Variants in EPC1 observed in about 807,000 individuals in gnomAD.
The protein encoded by EPC1 is enhancer of polycomb 1.
In EPC1, 12 loss-of-function variants were observed where a neutral mutation model predicts 98.4. That is an observed-to-expected ratio of 0.12 (90% CI 0.08 to 0.20). The LOEUF (loss-of-function observed/expected upper bound fraction) is 0.20. Among genes scored for constraint, EPC1 ranks in the 10% least tolerant of loss-of-function variants. The probability of loss-of-function intolerance (pLI) is 1.00; values close to 1 mark genes in which losing one functional copy is unlikely to be tolerated. For synonymous variants in EPC1, 357 were observed against 363.9 expected, an observed-to-expected ratio of 0.98 and a Z score of 0.21; for missense variants, 729 against 990.5, an observed-to-expected ratio of 0.74 and a Z score of 3.54.
Position 32,291,178 on chromosome 10 carries a change from C to T in EPC1, c.960G>A (p.Glu320=), listed in dbSNP as rs1346307237. Residue 320 remains glutamate, a synonymous_variant, in exon 6 of 14, where the codon GAG becomes GAA. Coordinates refer to ENST00000319778, the MANE Select transcript of EPC1 (RefSeq NM_001272004.3). ...FKHQEAMDVK[E]FKVNKQDKAD... ...CATTAATCACCTTATTAACTTTGAACTCCTTCACATCCATTGCTTCCTGGT... is the reference window on the plus strand; with the variant it reads ...CATTAATCACCTTATTAACTTTGAATTCCTTCACATCCATTGCTTCCTGGT... 6.2e-7 allele frequency: 1 copy of T among 1,613,328 alleles called. No individual in the cohort carries two copies. The highest frequency in any genetic ancestry group is 1.1e-5 in the South Asian group (1 of 91,052).
intron 1 of EPC1, among the ~76,000 whole-genome samples, chr10:32,331,532 G>GAAA (rs34450222): frequency 6.6e-6 from 1 of 150,822 alleles, no homozygotes; most frequent in Non-Finnish European, 1.5e-5. Context: ...TACTTCAAAT[G>GAAA]AAAAAAAAAT....
At chr10:32,368,412 T>G (rs946017881) in intron 1 of EPC1, among the ~76,000 whole-genome samples, 2 of 152,216 alleles carry the variant, frequency 1.3e-5, no homozygotes, top group East Asian at 3.9e-4. Context: ...CTTCCATCTT[T>G]GCCTGTGCCC....
intron 10 of EPC1, chr10:32,284,071 T>A (rs1372655043): frequency 6.6e-6 from 1 of 152,188 alleles, no homozygotes; most frequent in Non-Finnish European, 1.5e-5. Flanking sequence ...TATATAGGCT[T>A]CAAATAACAC....
Position 32,292,588 on chromosome 10 carries a change from T to G in EPC1, c.723A>C (p.Leu241=). Residue 241 remains leucine, a synonymous_variant, in exon 5 of 14, where the codon CTA becomes CTC. Transcript: ENST00000319778. ...TCTCTAGAATAGTAACAGCTCGACT[T>G]AGATCTCGTCGCAGCTTAAGCATTT... ...YEKMLKLRRD[L]SRAVTILEMI... is the part of the protein sequence containing the mutation. The G allele has an allele frequency of 1.2e-6, 2 of 1,607,986 alleles. No individual in the cohort carries two copies. The highest frequency in any genetic ancestry group is 2.2e-5 in the South Asian group (2 of 89,660).
At chr10:32,274,659 T>C (rs993258649) in intron 10 of EPC1, among the ~76,000 whole-genome samples, 1 of 152,184 alleles carries the variant, frequency 6.6e-6, no homozygotes, top group African/African-American at 2.4e-5. Context: ...TTAGTTGATA[T>C]CTTCCCTTTG....
chr10:32,347,849 G>A (rs78668309), upstream of EPC1, among the ~76,000 whole-genome samples: 1,551 of 152,328 alleles, frequency 0.01, 14 homozygotes, highest in Non-Finnish European at 0.013. Flanking sequence ...TCAAGTCATT[G>A]ATCCGTTTCC....
At chr10:32,286,436 C>T (rs1434203742) in intron 9 of EPC1, 1 of 474,386 alleles carries the variant, frequency 2.1e-6, no homozygotes, top group Non-Finnish European at 3.7e-6. Context: ...ACAATTCTAC[C>T]CCTTGATAAT....
rs1197793812 is a variant in EPC1 at position 32,290,400 on chromosome 10, C to T, written c.975+763G>A. ...ACTCGGGGAGGCGAGGCAGGAGAAT[C>T]GCTTAAACTCGGGAGGTGGAGGTTG... On this transcript the variant is annotated intron_variant, in intron 6 of 13. Transcript: ENST00000319778. Among the ~76,000 whole-genome samples, 3 of 142,654 alleles carry T rather than the reference C, an allele frequency of 2.1e-5. No individual in the cohort carries two copies. The East Asian group carries it at 6.9e-4, about 33-fold the overall frequency. The allele number at this position is 142,654 out of a possible 152,430, so 93.6% of individuals were successfully genotyped here. A position where few individuals can be genotyped will look rare whatever the true frequency, so the allele number is the denominator to read the frequency against.
chr10:32,341,386 C>T (rs937907216), intron 1 of EPC1, among the ~76,000 whole-genome samples: 1 of 152,086 alleles, frequency 6.6e-6, no homozygotes, highest in African/African-American at 2.4e-5. Context: ...CATACCATGA[C>T]ACAGTAGAAT....
chr10:32,375,582 AT>A (rs1839854804), intron 1 of EPC1, among the ~76,000 whole-genome samples: 1 of 151,992 alleles, frequency 6.6e-6, no homozygotes, highest in African/African-American at 2.4e-5. Context: ...CAGATTCTCC[AT>A]GTCTTTGGCA....
intron 13 of EPC1, among the ~76,000 whole-genome samples, chr10:32,270,689 G>A (rs2986934): frequency 0.63 from 95,006 of 151,566 alleles, 30,688 homozygotes; most frequent in Middle Eastern, 0.76. Context: ...GCCAGGCATC[G>A]CGGTGTATGC....
At chr10:32,374,169 T>A (rs1839824256) in intron 1 of EPC1, 1 of 152,178 alleles carries the variant, frequency 6.6e-6, no homozygotes, top group South Asian at 2.1e-4. Context: ...TCTCATAAAT[T>A]AAAATATGTT....
Position 32,286,450 on chromosome 10 carries a change from T to C in EPC1, c.1391+244A>G, listed in dbSNP as rs530943574. Reference sequence around the variant, plus strand: ...CACAATTCTACCCCTTGATAATTTATCTGAGGTTTTCCACCTTGGGGAGAA... The same window carrying C: ...CACAATTCTACCCCTTGATAATTTACCTGAGGTTTTCCACCTTGGGGAGAA... On this transcript the variant is annotated intron_variant, in intron 9 of 13. Coordinates refer to ENST00000319778, the MANE Select transcript of EPC1 (RefSeq NM_001272004.3). 6.0e-6 allele frequency: 3 copies of C among 499,118 alleles called. No individual in the cohort carries two copies. The South Asian group carries it at 1.1e-4, about 18-fold the overall frequency. The allele number at this position is 499,118 out of a possible 1,614,324, so 30.9% of individuals were successfully genotyped here. A position where few individuals can be genotyped will look rare whatever the true frequency, so the allele number is the denominator to read the frequency against.
At chr10:32,331,076 GAA>G (rs943495526) in intron 1 of EPC1, among the ~76,000 whole-genome samples, 2 of 151,692 alleles carry the variant, frequency 1.3e-5, no homozygotes, top group African/African-American at 4.8e-5. Flanking sequence ...AGGGTATACA[GAA>G]AAAAAGACTG....
chr10:32,313,886 C>CA (rs1322449013), intron 1 of EPC1, among the ~76,000 whole-genome samples: 56 of 145,496 alleles, frequency 3.8e-4, no homozygotes, highest in African/African-American at 9.7e-4. Flanking sequence ...ACTCTGTCTC[C>CA]AAAAAAAAAT....
At chr10:32,356,614 C>T (rs971467704) in intron 1 of EPC1, among the ~76,000 whole-genome samples, 1 of 152,136 alleles carries the variant, frequency 6.6e-6, no homozygotes. Flanking sequence ...CTTTAGGACA[C>T]CGTGGGAGGA....
intron 1 of EPC1, among the ~76,000 whole-genome samples, chr10:32,372,971 C>T (rs954110221): frequency 2.6e-5 from 4 of 152,198 alleles, no homozygotes; most frequent in Non-Finnish European, 5.9e-5. Context: ...TTGCAATGAG[C>T]TGAGATTGTG....
At chr10:32,352,950 G>A (rs112561228) in intron 1 of EPC1, among the ~76,000 whole-genome samples, 1 of 152,090 alleles carries the variant, frequency 6.6e-6, no homozygotes, top group Non-Finnish European at 1.5e-5. Context: ...GAGGTGGGGA[G>A]TACAAGACTA....
At chr10:32,315,199 A>G (rs1037676285) in intron 1 of EPC1, among the ~76,000 whole-genome samples, 2 of 152,172 alleles carry the variant, frequency 1.3e-5, no homozygotes, top group African/African-American at 4.8e-5. Flanking sequence ...TGCCTGGTAT[A>G]ATATTTTGGC....
Sources: gnomAD v4.1 joint callset for allele counts (sites outside exome capture counted in the v4.1 genomes callset) on GRCh38, gnomAD v4.1.1 for gene constraint, MANE v1.5 for transcripts, NCBI Gene and HGNC (gene_info 2026-07-23, HGNC 2026-07-21) for gene names.